USP35: variants seen among roughly 807,000 people sequenced by gnomAD.
USP35 encodes ubiquitin specific peptidase 35.
In USP35, 69 loss-of-function variants were observed where a neutral mutation model predicts 83.8. That is an observed-to-expected ratio of 0.82 (90% CI 0.68 to 1.01). The LOEUF (loss-of-function observed/expected upper bound fraction) is 1.01. Among genes scored for constraint, USP35 ranks in the 50% least tolerant of loss-of-function variants. The probability of loss-of-function intolerance (pLI) is 0.00; values close to 1 mark genes in which losing one functional copy is unlikely to be tolerated. For missense variants in USP35, 1,503 were observed against 1,362.5 expected (o/e 1.10, Z -1.62); for synonymous variants, 714 against 589.5 (o/e 1.21, Z -3.06).
intron 10 of USP35, among the ~76,000 whole-genome samples, chr11:78,213,074 T>A (rs892616739): frequency 6.6e-6 from 1 of 152,136 alleles, no homozygotes; most frequent in African/African-American, 2.4e-5. Context: ...ATACAGCAAC[T>A]GGTGTGGGGA....
chr11:78,226,904 C>T, the USP35 span: 1 of 1,613,902 alleles, frequency 6.2e-7, no homozygotes, highest in African/African-American at 1.3e-5. Context: ...CTGTATTGTG[C>T]CGGCTCGGCT....
intron 10 of USP35, 28 bp from the exon 11 acceptor site, chr11:78,213,618 C>T: frequency 6.9e-7 from 1 of 1,456,880 alleles, no homozygotes. Context: ...AATTCTAAGT[C>T]TAAGTCTCCT....
chr11:78,233,469 G>T, the USP35 span, among the ~76,000 whole-genome samples: 2 of 152,006 alleles, frequency 1.3e-5, no homozygotes, highest in Non-Finnish European at 2.9e-5. Flanking sequence ...TTTTGTTGAA[G>T]AATCTATTCA....
downstream of USP35, chr11:78,217,256 T>C (rs115963544): frequency 0.017 from 2,536 of 152,444 alleles, 74 homozygotes; most frequent in African/African-American, 0.058. Flanking sequence ...CTTTTTCTGA[T>C]TGTGGCTATC....
chr11:78,197,857 G>A (rs1023367271), intron 2 of USP35, 79 bp from the exon 3 acceptor site: 4 of 1,534,360 alleles, frequency 2.6e-6, no homozygotes, highest in Non-Finnish European at 3.5e-6. Context: ...CCGGTTCGTT[G>A]GCTCCTGCAG....
At chr11:78,202,651 TCA>T (rs1481630500) in intron 6 of USP35, among the ~76,000 whole-genome samples, 7 of 152,356 alleles carry the variant, frequency 4.6e-5, no homozygotes, top group African/African-American at 1.7e-4. Flanking sequence ...TTGGATCTTC[TCA>T]GTTTTTCAAA....
At chr11:78,213,302 C>G (rs1360049056) in intron 10 of USP35, among the ~76,000 whole-genome samples, 1 of 152,078 alleles carries the variant, frequency 6.6e-6, no homozygotes, top group East Asian at 1.9e-4. Context: ...ATAGGCAGAG[C>G]CCATTCCTCG....
the USP35 span, among the ~76,000 whole-genome samples, chr11:78,235,912 C>A: frequency 6.6e-6 from 1 of 152,200 alleles, no homozygotes; most frequent in Non-Finnish European, 1.5e-5. Flanking sequence ...GGTATCTTTT[C>A]AGCAACGCCC....
At chr11:78,226,554 G>T in the USP35 span, 2 of 1,612,030 alleles carry the variant, frequency 1.2e-6, no homozygotes, top group Non-Finnish European at 1.7e-6. Context: ...ACTGATTGGC[G>T]GTCTCTGCTG....
chr11:78,226,392 G>T, the USP35 span: 2 of 1,204,950 alleles, frequency 1.7e-6, no homozygotes, highest in Non-Finnish European at 2.5e-6. Flanking sequence ...GGATGACCAA[G>T]GACCATCAAA....
chr11:78,210,794 C>T, intron 10 of USP35, 50 bp downstream of exon 10: 1 of 1,485,794 alleles, frequency 6.7e-7, no homozygotes, highest in Non-Finnish European at 8.9e-7. Flanking sequence ...GGAGGGAGTC[C>T]AGTCCCACTA....
intron 7 of USP35, among the ~76,000 whole-genome samples, chr11:78,206,596 G>A (rs1029047826): frequency 1.3e-5 from 2 of 152,206 alleles, no homozygotes; most frequent in South Asian, 2.1e-4. Context: ...TGCTGCTGGT[G>A]CACGTTCTTC....
At chr11:78,220,264 T>G in the USP35 span, 3 of 1,603,608 alleles carry the variant, frequency 1.9e-6, no homozygotes, top group South Asian at 3.3e-5. Context: ...CTCCATGATC[T>G]CTGCCTCCGG....
the USP35 span, among the ~76,000 whole-genome samples, chr11:78,220,809 C>T: frequency 6.6e-6 from 1 of 152,234 alleles, no homozygotes; most frequent in Admixed American, 6.5e-5. Flanking sequence ...CAAGTCTCAT[C>T]AACAGTGGCT....
At chr11:78,236,047 C>G in the USP35 span, among the ~76,000 whole-genome samples, 2 of 152,172 alleles carry the variant, frequency 1.3e-5, no homozygotes, top group East Asian at 1.9e-4. Flanking sequence ...AAACTGCCAT[C>G]TAAATAATAA....
At chr11:78,236,925 T>A in the USP35 span, among the ~76,000 whole-genome samples, 283 of 152,342 alleles carry the variant, frequency 1.9e-3, 1 homozygote, top group African/African-American at 6.6e-3. Flanking sequence ...CACATACGTA[T>A]TTAGTTGGAT....
chr11:78,213,500 A>C (rs1356352518), intron 10 of USP35, 146 bp from the exon 11 acceptor site: 4 of 929,740 alleles, frequency 4.3e-6, no homozygotes, highest in Non-Finnish European at 5.8e-6. Flanking sequence ...TCCACCCCGG[A>C]TATCCTGCCA....
At chr11:78,236,775 GT>G in the USP35 span, among the ~76,000 whole-genome samples, 147,890 of 149,718 alleles carry the variant, frequency 0.99, 73,057 homozygotes, top group African/African-American at 1. Flanking sequence ...TACTTTGATT[GT>G]TTTTTTTTTG....
the USP35 span, chr11:78,226,983 A>C: frequency 4.3e-6 from 7 of 1,613,880 alleles, no homozygotes; most frequent in Non-Finnish European, 5.9e-6. Flanking sequence ...GCCCTGGGCA[A>C]GTTTTTGTAC....
Sources: allele counts gnomAD v4.1 joint callset (sites outside exome capture counted in the v4.1 genomes callset), GRCh38; gene constraint gnomAD v4.1.1; transcripts MANE v1.5; gene names NCBI Gene and HGNC (gene_info 2026-07-23, HGNC 2026-07-21).